STK3: variants seen among roughly 807,000 people sequenced by gnomAD.
STK3 encodes the protein serine/threonine-protein kinase 3.
STK3 carries 41 observed loss-of-function variants against 58.0 expected under a neutral mutation model. The ratio of observed to expected loss-of-function variants is 0.71; its 90% confidence interval spans 0.55 to 0.92. The LOEUF (loss-of-function observed/expected upper bound fraction) is 0.92. Among genes scored for constraint, STK3 ranks in the 40% least tolerant of loss-of-function variants. STK3 has a pLI of 0.00. For synonymous variants in STK3, 170 were observed against 191.0 expected (o/e 0.89, Z 0.91); for missense variants, 479 against 602.7 (o/e 0.79, Z 2.15).
chr8:98,543,221 A>G (rs148675376), intron 9 of STK3, among the ~76,000 whole-genome samples: 206 of 152,300 alleles, frequency 1.4e-3, no homozygotes, highest in Non-Finnish European at 2.5e-3. Flanking sequence ...GCTCTGTAAG[A>G]GCTGAGAAGC....
At chr8:98,697,305 C>T (rs891892423) in intron 6 of STK3, among the ~76,000 whole-genome samples, 3 of 152,134 alleles carry the variant, frequency 2.0e-5, no homozygotes, top group African/African-American at 7.2e-5. Context: ...TTTCAGAAAA[C>T]CAGCTCCTGG....
chr8:98,587,450 G>C (rs1314048752), intron 7 of STK3, among the ~76,000 whole-genome samples: 8 of 152,218 alleles, frequency 5.3e-5, no homozygotes, highest in South Asian at 4.1e-4. Context: ...TGATTGCATT[G>C]TGGTCTGAGA....
At chr8:98,377,335 T>C (rs1817686681) in intron 2 of STK3, among the ~76,000 whole-genome samples, 1 of 152,210 alleles carries the variant, frequency 6.6e-6, no homozygotes, top group Non-Finnish European at 1.5e-5. Context: ...CGGCAGAATT[T>C]AAATTTTATG....
intron 6 of STK3, among the ~76,000 whole-genome samples, chr8:98,693,855 A>C (rs1824611031): frequency 7.2e-6 from 1 of 139,620 alleles, no homozygotes; most frequent in South Asian, 2.2e-4. Context: ...TTTTATTATT[A>C]ATTGAGCAGG....
chr8:98,760,587 G>A (rs1029469436), intron 3 of STK3, among the ~76,000 whole-genome samples: 1 of 152,114 alleles, frequency 6.6e-6, no homozygotes, highest in African/African-American at 2.4e-5. Context: ...TGCCAATCAT[G>A]AGCCACATTC....
chr8:98,587,300 T>C (rs1232696419), intron 7 of STK3, among the ~76,000 whole-genome samples: 1 of 152,042 alleles, frequency 6.6e-6, no homozygotes, highest in Admixed American at 6.5e-5. Context: ...ATGTTGTGTC[T>C]TTGTTCTCAT....
chr8:98,843,308 A>G (rs544663557), intron 3 of STK3, among the ~76,000 whole-genome samples: 1 of 152,270 alleles, frequency 6.6e-6, no homozygotes, highest in African/African-American at 2.4e-5. Context: ...TTACTCAACA[A>G]AGGGCCCATT....
chr8:98,909,674 C>G (rs139460304), intron 1 of STK3, among the ~76,000 whole-genome samples: 33 of 152,288 alleles, frequency 2.2e-4, no homozygotes, highest in African/African-American at 7.5e-4. Context: ...CATGTTGCAG[C>G]GTGTATCAGT....
intron 6 of STK3, among the ~76,000 whole-genome samples, chr8:98,685,771 G>A (rs772346208): frequency 7.3e-5 from 11 of 151,720 alleles, no homozygotes; most frequent in Admixed American, 1.3e-4. Context: ...GGAAGAGAAA[G>A]GAAAGGAAAC....
intron 2 of STK3, among the ~76,000 whole-genome samples, chr8:98,768,785 T>C (rs1488911533): frequency 6.6e-6 from 1 of 152,254 alleles, no homozygotes; most frequent in African/African-American, 2.4e-5. Flanking sequence ...AACACGTATG[T>C]GTGAATGACG....
chr8:98,764,485 A>G (rs1830822547), intron 3 of STK3, among the ~76,000 whole-genome samples: 2 of 152,250 alleles, frequency 1.3e-5, no homozygotes, highest in African/African-American at 4.8e-5. Flanking sequence ...AGGAAAATCT[A>G]CAAGACTCAG....
downstream of STK3, among the ~76,000 whole-genome samples, chr8:98,401,167 C>T (rs1288002083): frequency 6.6e-6 from 1 of 152,126 alleles, no homozygotes; most frequent in Non-Finnish European, 1.5e-5. Flanking sequence ...GCTGCCAGCA[C>T]CATGCAGAGA....
intron 1 of STK3, among the ~76,000 whole-genome samples, chr8:98,440,577 GTGTGTGTGTACCAT>G (rs1476718445): frequency 2.0e-5 from 3 of 152,064 alleles, no homozygotes; most frequent in Admixed American, 6.5e-5. Flanking sequence ...GTGTGTGTGT[GTGTGTGTGTACCAT>G]TAACCAGTGG....
chr8:98,897,198 C>T (rs927730992), intron 1 of STK3, among the ~76,000 whole-genome samples: 4 of 152,132 alleles, frequency 2.6e-5, no homozygotes, highest in Non-Finnish European at 5.9e-5. Context: ...TTTGGTAGCT[C>T]CACAGTTTGT....
At chr8:98,815,891 T>C (rs942560390) in intron 1 of STK3, among the ~76,000 whole-genome samples, 8 of 152,172 alleles carry the variant, frequency 5.3e-5, no homozygotes, top group African/African-American at 1.9e-4. Context: ...TTCATTATAT[T>C]GCAACACCCA....
At chr8:98,590,352 G>C (rs544477293) in intron 7 of STK3, among the ~76,000 whole-genome samples, 2 of 152,248 alleles carry the variant, frequency 1.3e-5, no homozygotes, top group African/African-American at 2.4e-5. Flanking sequence ...AAAGCTCGGC[G>C]TCCGTGATGG....
At chr8:98,861,856 G>C (rs997516477) in intron 3 of STK3, among the ~76,000 whole-genome samples, 4 of 152,176 alleles carry the variant, frequency 2.6e-5, no homozygotes, top group Non-Finnish European at 4.4e-5. Flanking sequence ...CAGGTACACT[G>C]TTCATGGACT....
At chr8:98,534,578 G>T (rs541064873) in intron 9 of STK3, among the ~76,000 whole-genome samples, 1 of 152,248 alleles carries the variant, frequency 6.6e-6, no homozygotes, top group East Asian at 1.9e-4. Flanking sequence ...CTTCAACTTT[G>T]TTCCCTGAAA....
At chr8:98,362,353 T>C in the STK3 span, among the ~76,000 whole-genome samples, 1 of 151,894 alleles carries the variant, frequency 6.6e-6, no homozygotes, top group East Asian at 1.9e-4. Context: ...GCTGCAACAC[T>C]TTTTTTTGAG....
Sources: allele counts gnomAD v4.1 joint callset (sites outside exome capture counted in the v4.1 genomes callset), GRCh38; gene constraint gnomAD v4.1.1; transcripts MANE v1.5; gene names NCBI Gene and HGNC (gene_info 2026-07-23, HGNC 2026-07-21).